ETV1: variants seen among roughly 807,000 people sequenced by gnomAD.
ETV1 encodes the protein ETS translocation variant 1.
ETV1 carries 27 observed loss-of-function variants against 62.3 expected under a neutral mutation model. That is an observed-to-expected ratio of 0.43 (90% CI 0.32 to 0.60). The LOEUF is 0.60. Among genes scored for constraint, ETV1 ranks in the 20% least tolerant of loss-of-function variants. The pLI is 0.06. For missense variants in ETV1, 605 were observed against 605.8 expected (o/e 1.00, Z 0.01); for synonymous variants, 222 against 199.6 (o/e 1.11, Z -0.94).
intron 6 of ETV1, among the ~76,000 whole-genome samples, chr7:13,975,438 C>T (rs777105460): frequency 6.7e-6 from 1 of 149,646 alleles, no homozygotes; most frequent in South Asian, 2.2e-4. Context: ...CCCAGCTACT[C>T]GGGAGGCTGA....
rs1786176640 is a variant in ETV1, at chr7:13,931,611, G to A, written c.693C>T (p.Tyr231=). 6.2e-7 allele frequency: 1 copy of A among 1,613,932 alleles called. No homozygotes were observed. Among genetic ancestry groups the A allele is most frequent in the South Asian group, 1.1e-5 (1 of 91,090 alleles). ...PFPPQGFKQE[Y]HDPVYEHNTM... ...TGTTGTGTTCATACACTGGGTCGTG[G>A]TACTCCTGCTTAAAGCCTTGTGGTG... Residue 231 remains tyrosine, a synonymous_variant, in exon 9 of 14, where the codon TAC becomes TAT. Transcript: ENST00000430479.
intron 6 of ETV1, among the ~76,000 whole-genome samples, chr7:13,962,841 A>G (rs1562687431): frequency 6.6e-6 from 1 of 152,196 alleles, no homozygotes; most frequent in Non-Finnish European, 1.5e-5. Flanking sequence ...ATCATTTTTG[A>G]TAAATTTTCC....
rs60981382 is a variant in ETV1, at chr7:13,932,044, CCA to C, written c.555-297_555-296del. On this transcript the variant is annotated intron_variant, in intron 8 of 13. Transcript: ENST00000430479. ...GAAAAACTTTGAGGATTTTACACAC[CCA>C]CACACACACACACACACACACACAA... is the stretch of plus-strand genomic sequence containing the variant. Among the ~76,000 whole-genome samples the C allele has an allele frequency of 3.7e-3, 547 of 147,868 alleles. 1 individual carries two copies. The highest frequency in any genetic ancestry group is 8.2e-3 in the East Asian group (41 of 5,022).
intron 9 of ETV1, among the ~76,000 whole-genome samples, chr7:13,921,408 T>C (rs1011179962): frequency 1.3e-5 from 2 of 152,202 alleles, no homozygotes; most frequent in Admixed American, 6.5e-5. Flanking sequence ...AATCCTATCC[T>C]GAATAGTATT....
intron 6 of ETV1, among the ~76,000 whole-genome samples, chr7:13,966,994 T>C (rs1780357696): frequency 2.6e-5 from 4 of 152,152 alleles, no homozygotes; most frequent in Admixed American, 2.6e-4. Flanking sequence ...CTGTACAGAC[T>C]ACAACTGTGT....
At chr7:13,950,549 G>A (rs912292165) in intron 6 of ETV1, among the ~76,000 whole-genome samples, 1 of 152,172 alleles carries the variant, frequency 6.6e-6, no homozygotes, top group Non-Finnish European at 1.5e-5. Flanking sequence ...CAGACTGGTG[G>A]CCTTCGGATG....
intron 6 of ETV1, among the ~76,000 whole-genome samples, chr7:13,973,484 T>A (rs969930890): frequency 6.6e-6 from 1 of 152,186 alleles, no homozygotes; most frequent in South Asian, 2.1e-4. Context: ...AACTTCTGCA[T>A]CCAGAAATCC....
intron 6 of ETV1, among the ~76,000 whole-genome samples, chr7:13,956,475 T>C (rs967759302): frequency 6.6e-6 from 1 of 152,230 alleles, no homozygotes; most frequent in African/African-American, 2.4e-5. Context: ...AGTTCACCTG[T>C]TACTAAATTT....
intron 4 of ETV1, 148 bp downstream of exon 4, chr7:13,987,938 T>G: frequency 1.7e-6 from 1 of 600,282 alleles, no homozygotes. Flanking sequence ...TGCCGCATTA[T>G]GTAAATCGTT....
chr7:13,930,007 G>A (rs1315199108), intron 9 of ETV1, among the ~76,000 whole-genome samples: 1 of 152,078 alleles, frequency 6.6e-6, no homozygotes, highest in Admixed American at 6.5e-5. Flanking sequence ...CTCAGCAGAG[G>A]ACGCAATACT....
rs189112718 is a variant in ETV1, at chr7:13,952,327, G to A, written c.236-13081C>T. On this transcript the variant is annotated intron_variant, in intron 6 of 13. Transcript: ENST00000430479. ...GCGTGTAAGTGCCTGCTTACTTACT[G>A]ATGTAAGAGAGAAGAGGAAAATGGC... Among the ~76,000 whole-genome samples, 13 of 152,298 alleles carry A rather than the reference G, an allele frequency of 8.5e-5. No homozygotes were observed. The East Asian group carries it at 2.5e-3, about 29-fold the overall frequency.
chr7:13,929,306 A>G (rs1050981589), intron 9 of ETV1, among the ~76,000 whole-genome samples: 4 of 152,196 alleles, frequency 2.6e-5, no homozygotes, highest in Admixed American at 2.0e-4. Context: ...TGGGGCAAAA[A>G]TTCAAATAAA....
intron 9 of ETV1, among the ~76,000 whole-genome samples, chr7:13,915,228 C>G (rs1026080429): frequency 6.6e-6 from 1 of 152,132 alleles, no homozygotes; most frequent in African/African-American, 2.4e-5. Flanking sequence ...ATCAAGTGCA[C>G]ATAAACTTGT....
chr7:13,981,562 T>A (rs2128506753), intron 5 of ETV1, among the ~76,000 whole-genome samples: 1 of 151,722 alleles, frequency 6.6e-6, no homozygotes, highest in African/African-American at 2.4e-5. Flanking sequence ...CACAAATACA[T>A]ACATGCATCC....
At chr7:13,907,706 AATCCAGACAAAATAT>A in intron 11 of ETV1, 1 of 349,330 alleles carries the variant, frequency 2.9e-6, no homozygotes, top group Non-Finnish European at 6.0e-6. Flanking sequence ...CTAAAGAAAC[AATCCAGACAAAATAT>A]ATCTAAGCCT....
chr7:13,926,139 C>T (rs2128442750), intron 9 of ETV1, among the ~76,000 whole-genome samples: 1 of 152,176 alleles, frequency 6.6e-6, no homozygotes, highest in Middle Eastern at 3.4e-3. Context: ...ACTTACTTTA[C>T]CGTTCACCTA....
intron 3 of ETV1, 162 bp from the exon 4 acceptor site, chr7:13,988,335 T>C: frequency 1.7e-6 from 1 of 592,846 alleles, no homozygotes; most frequent in East Asian, 2.9e-5. Context: ...TAATATTCAT[T>C]TTCTCACTTA....
At chr7:13,912,307 C>G (rs1232308522) in intron 9 of ETV1, among the ~76,000 whole-genome samples, 1 of 152,060 alleles carries the variant, frequency 6.6e-6, no homozygotes, top group African/African-American at 2.4e-5. Context: ...CAAAGAACAC[C>G]TTATAAAAGT....
At chr7:13,968,984 G>T (rs189075975) in intron 6 of ETV1, among the ~76,000 whole-genome samples, 49 of 152,238 alleles carry the variant, frequency 3.2e-4, no homozygotes, top group African/African-American at 1.2e-3. Context: ...TGTATTCCTT[G>T]TAAAACAATC....
Sources: gnomAD v4.1 joint callset for allele counts (sites outside exome capture counted in the v4.1 genomes callset) on GRCh38, gnomAD v4.1.1 for gene constraint, MANE v1.5 for transcripts, NCBI Gene and HGNC (gene_info 2026-07-23, HGNC 2026-07-21) for gene names.